The following ATCAY variants were observed in gnomAD, a reference collection of about 807,000 sequenced individuals.
ATCAY encodes the protein ATCAY kinesin light chain interacting caytaxin, also known as caytaxin.
A neutral mutation model predicts 47.7 loss-of-function variants in ATCAY; 22 were observed. That is an observed-to-expected ratio of 0.46 (90% confidence interval 0.33 to 0.66). ATCAY has a LOEUF of 0.66. Among genes scored for constraint, ATCAY ranks in the 30% least tolerant of loss-of-function variants. ATCAY has a pLI of 0.02. For missense variants in ATCAY, 452 were observed against 515.0 expected (o/e 0.88, Z 1.18); for synonymous variants, 216 against 207.6 (o/e 1.04, Z -0.35).
chr19:3,915,300 C>T (rs1051815237), intron 9 of ATCAY, among the ~76,000 whole-genome samples: 7 of 148,488 alleles, frequency 4.7e-5, no homozygotes, highest in Non-Finnish European at 1.0e-4. Context: ...AGCCTCCCAA[C>T]TAGCTGGGAT....
rs139965383 is a variant in ATCAY at position 3,914,700 on chromosome 19, A to C, written c.965+844A>C. Among the ~76,000 whole-genome samples, 258 of 152,106 alleles carry C rather than the reference A, an allele frequency of 1.7e-3. 1 individual carries two copies. Among genetic ancestry groups the C allele is most frequent in the East Asian group, 9.9e-3 (51 of 5,166 alleles). On this transcript the variant is annotated intron_variant, in intron 9 of 12. Transcript: ENST00000450849. The stretch of plus-strand genomic sequence containing the variant: ...GCCAGGTGTGGTGGTGCATGCCTGT[A>C]ATCCCAGATACTGAGGAGGCTGAGG...
At chr19:3,906,184 A>G (rs200633170) in intron 4 of ATCAY, among the ~76,000 whole-genome samples, 1,738 of 148,498 alleles carry the variant, frequency 0.012, 14 homozygotes, top group Non-Finnish European at 0.019. Context: ...AAAAAAAAAA[A>G]AGAGAGAGAG....
At chr19:3,883,245 G>T (rs1485726310) in intron 1 of ATCAY, among the ~76,000 whole-genome samples, 1 of 152,074 alleles carries the variant, frequency 6.6e-6, no homozygotes, top group Non-Finnish European at 1.5e-5. Flanking sequence ...GTGGTGGCAC[G>T]CGCCTGTAGT....
intron 2 of ATCAY, 35 bp from the exon 3 acceptor site, chr19:3,902,452 C>T (rs577702656): frequency 9.6e-6 from 15 of 1,555,378 alleles, no homozygotes; most frequent in East Asian, 2.4e-5. Flanking sequence ...CTCTGGTGCC[C>T]GGCGACTGAT....
Position 3,885,855 on chromosome 19 carries a change from C to T in ATCAY, c.77+11C>T. On this transcript the variant is annotated intron_variant, in intron 2 of 12. Transcript: ENST00000450849. The stretch of plus-strand genomic sequence containing the variant: ...CGAAGATCTTCCCAGGTAGGACTTC[C>T]ACATCCCTGAGTCAACCGTTGGGGG... 1.9e-6 allele frequency: 3 copies of T among 1,551,336 alleles called. No homozygotes were observed. The highest frequency in any genetic ancestry group is 2.6e-6 in the Non-Finnish European group (3 of 1,147,278).
At chr19:3,902,035 G>A (rs953097687) in intron 2 of ATCAY, among the ~76,000 whole-genome samples, 11 of 151,648 alleles carry the variant, frequency 7.3e-5, no homozygotes, top group East Asian at 1.9e-4. Flanking sequence ...AAAAACATGC[G>A]CTTGTGGTGG....
chr19:3,892,498 G>A (rs1761762443), intron 2 of ATCAY, among the ~76,000 whole-genome samples: 1 of 152,138 alleles, frequency 6.6e-6, no homozygotes, highest in African/African-American at 2.4e-5. Context: ...ACTGCGCCTG[G>A]CCTATTTGAT....
chr19:3,906,862 G>A (rs1254986580), intron 4 of ATCAY, among the ~76,000 whole-genome samples: 1 of 152,070 alleles, frequency 6.6e-6, no homozygotes, highest in Non-Finnish European at 1.5e-5. Flanking sequence ...GAAAGGCCAG[G>A]CGCAGTGACT....
At chr19:3,914,998 G>A (rs2038954872) in intron 9 of ATCAY, among the ~76,000 whole-genome samples, 2 of 151,746 alleles carry the variant, frequency 1.3e-5, no homozygotes, top group South Asian at 4.2e-4. Context: ...ACCCCCCGGA[G>A]CTTGGGGAAG....
At chr19:3,894,347 G>A (rs1270558876) in intron 2 of ATCAY, among the ~76,000 whole-genome samples, 1 of 151,878 alleles carries the variant, frequency 6.6e-6, no homozygotes, top group Non-Finnish European at 1.5e-5. Context: ...AGCTGGGCGT[G>A]GTGGCAGGCG....
intron 4 of ATCAY, among the ~76,000 whole-genome samples, 154 bp downstream of exon 4, chr19:3,905,809 C>T (rs553576038): frequency 1.2e-3 from 185 of 151,800 alleles, no homozygotes; most frequent in Non-Finnish European, 2.4e-3. Context: ...TGCAGTGAGA[C>T]GTGATCATGC....
chr19:3,911,634 C>G (rs1048750996), intron 8 of ATCAY, among the ~76,000 whole-genome samples: 2 of 151,694 alleles, frequency 1.3e-5, no homozygotes, highest in Non-Finnish European at 2.9e-5. Context: ...TATATAGTTA[C>G]TATATTAAAC....
rs201356634 is a variant in ATCAY at position 3,907,796 on chromosome 19, G to C, written c.421G>C (p.Gly141Arg). The stretch of plus-strand genomic sequence containing the variant: ...GGACAGCGCGGATCTATTTGGGGAC[G>C]GCACGACGGAGGACGGCAGCGCCGC... The part of the protein sequence containing the change: ...PGDSADLFGD[G>R]TTEDGSAANG... Residue 141 changes from glycine to arginine, a missense_variant, in exon 5 of 13, where the codon GGC (glycine) becomes CGC (arginine). Coordinates refer to ENST00000450849, the MANE Select transcript of ATCAY (RefSeq NM_033064.5). This position sits in a 1 kb window ranked among gnomAD's most constrained non-coding sequence, Gnocchi z 5.1. 6.2e-6 allele frequency: 10 copies of C among 1,614,004 alleles called. No homozygotes were observed. The highest frequency in any genetic ancestry group is 4.5e-5 in the East Asian group (2 of 44,882).
chr19:3,913,958 C>T (rs1369006839), intron 9 of ATCAY, 102 bp downstream of exon 9: 6 of 1,046,698 alleles, frequency 5.7e-6, no homozygotes, highest in Non-Finnish European at 7.1e-6. Context: ...TTTAAGGGGC[C>T]GGGCGCGGTG....
At chr19:3,910,647 TTGGA>T (rs1260178270) in intron 7 of ATCAY, among the ~76,000 whole-genome samples, 152 bp from the exon 8 acceptor site, 2 of 152,128 alleles carry the variant, frequency 1.3e-5, no homozygotes, top group Non-Finnish European at 2.9e-5. Context: ...CCCCCATGTC[TTGGA>T]TGGGGGCAGG....
At chr19:3,904,480 C>A (rs75367190) in intron 3 of ATCAY, among the ~76,000 whole-genome samples, 1 of 152,188 alleles carries the variant, frequency 6.6e-6, no homozygotes, top group African/African-American at 2.4e-5. Context: ...TGCCTGCGGA[C>A]GGTTTTGCAA....
intron 11 of ATCAY, among the ~76,000 whole-genome samples, chr19:3,919,327 C>T (rs1206512199): frequency 6.6e-6 from 1 of 151,722 alleles, no homozygotes; most frequent in African/African-American, 2.4e-5. Context: ...GGTGTGGTGG[C>T]TCACGCCTGT....
At position 3,909,580 on chromosome 19, in the gene ATCAY, G is replaced by A. The variant is rs1005319363; in HGVS notation, c.742G>A (p.Gly248Ser). 8.1e-6 allele frequency: 13 copies of A among 1,611,144 alleles called. No homozygotes were observed. Among genetic ancestry groups the A allele is most frequent in the South Asian group, 1.1e-5 (1 of 90,638 alleles). ...ATPRRRMPGI[G>S]WLKKCYQMID... ...GCCCCGGCGGAGGATGCCTGGAATCGGCTGGCTGAAGAAGTGCTACCAGAT... is the reference window on the plus strand; with the variant it reads ...GCCCCGGCGGAGGATGCCTGGAATCAGCTGGCTGAAGAAGTGCTACCAGAT... The change falls in exon 7 of 13, where the codon GGC (glycine) becomes AGC (serine). Residue 248 changes from glycine (G) to serine (S), a missense_variant. Gly to Ser is a moderately conservative substitution (Grantham distance 56). Coordinates refer to ENST00000450849, the MANE Select transcript of ATCAY (RefSeq NM_033064.5).
intron 12 of ATCAY, chr19:3,922,159 C>A (rs2039026593): frequency 1.4e-6 from 1 of 702,430 alleles, no homozygotes; most frequent in Non-Finnish European, 2.6e-6. Flanking sequence ...CTTTTCTTAG[C>A]CTCCAGCCCC....
Sources: gnomAD v4.1 joint callset for allele counts (sites outside exome capture counted in the v4.1 genomes callset) on GRCh38, gnomAD v4.1.1 for gene constraint, Gnocchi (gnomAD v3.1) non-coding constraint, MANE v1.5 for transcripts, NCBI Gene and HGNC (gene_info 2026-07-23, HGNC 2026-07-21) for gene names.